MBTPS1: variants seen among roughly 807,000 people sequenced by gnomAD.
MBTPS1 encodes membrane-bound transcription factor site-1 protease.
Under a neutral mutation model 127.8 loss-of-function variants are expected in MBTPS1, and 94 were observed. The observed-to-expected ratio is 0.74, with a 90% CI of 0.62 to 0.87. The LOEUF (loss-of-function observed/expected upper bound fraction) is 0.87, where lower values mean the gene tolerates loss of function less well. Among genes scored for constraint, MBTPS1 ranks in the 40% least tolerant of loss-of-function variants. The pLI, the probability that MBTPS1 is intolerant of heterozygous loss-of-function variation, is 0.00. For missense variants in MBTPS1, 1,636 were observed against 1,353.2 expected (o/e 1.21, Z -3.28); for synonymous variants, 632 against 509.4 (o/e 1.24, Z -3.24).
intron 19 of MBTPS1, 148 bp from the exon 20 acceptor site, chr16:84,060,961 G>A: frequency 1.5e-6 from 1 of 680,452 alleles, no homozygotes. Flanking sequence ...AGCCTCCCAA[G>A]TAGCTGAGAC....
At chr16:84,065,999 C>A (rs1335632656) in intron 17 of MBTPS1, among the ~76,000 whole-genome samples, 5 of 152,046 alleles carry the variant, frequency 3.3e-5, no homozygotes, top group Admixed American at 3.3e-4. Context: ...ATTTTATAAT[C>A]AAAGAAAAAT....
intron 1 of MBTPS1, among the ~76,000 whole-genome samples, chr16:84,107,716 T>TC (rs1469562706): frequency 6.6e-6 from 1 of 151,218 alleles, no homozygotes; most frequent in African/African-American, 2.4e-5. Context: ...CTATTTTTTT[T>TC]TTTTTTGAGA....
In MBTPS1 at chr16:84,054,405, C is replaced by T; in HGVS notation, c.*44G>A. 1 of 1,525,048 alleles carries T rather than the reference C, an allele frequency of 6.6e-7. No individual in the cohort carries two copies. Among genetic ancestry groups the T allele is most frequent in the Non-Finnish European group, 8.8e-7 (1 of 1,133,206 alleles). 94.5% of individuals were successfully genotyped at this position (1,525,048 alleles called of 1,614,324 possible). A position where few individuals can be genotyped will look rare whatever the true frequency, so the allele number is the denominator to read the frequency against. On this transcript the variant is annotated 3_prime_UTR_variant, in exon 23 of 23. Coordinates refer to ENST00000343411, the MANE Select transcript of MBTPS1 (RefSeq NM_003791.4). ...AGCTCGGCTCACCCACCAGCGCCGT[C>T]CGTGAAGGCTCTCTCTGGCCCTCAC...
At chr16:84,115,437 T>C in intron 1 of MBTPS1, among the ~76,000 whole-genome samples, 1 of 152,246 alleles carries the variant, frequency 6.6e-6, no homozygotes, top group Non-Finnish European at 1.5e-5. Flanking sequence ...AGTTTTGCTG[T>C]CATCCGCATC....
At position 84,108,708 on chromosome 16, in the gene MBTPS1, AG is replaced by A. The variant is rs1227077772; in HGVS notation, c.-324-6602del. ...GGGTCTTAAGAGTCTGAGCGGAGTG[AG>A]GAAGGTATGTGAAGGGAGAGGCACC... On this transcript the variant is annotated intron_variant, in intron 1 of 22. Coordinates refer to ENST00000343411, the MANE Select transcript of MBTPS1 (RefSeq NM_003791.4). Among the ~76,000 whole-genome samples the A allele has an allele frequency of 5.3e-5, 8 of 152,332 alleles. No individual in the cohort carries two copies. The East Asian group carries it at 1.5e-3, about 29-fold the overall frequency.
intron 21 of MBTPS1, among the ~76,000 whole-genome samples, chr16:84,058,287 C>T (rs917645564): frequency 6.6e-6 from 1 of 152,254 alleles, no homozygotes; most frequent in African/African-American, 2.4e-5. Flanking sequence ...AGCCTCGCCA[C>T]CTTCACACGG....
intron 12 of MBTPS1, chr16:84,072,276 A>C (rs2085781174): frequency 6.6e-6 from 1 of 152,336 alleles, no homozygotes; most frequent in African/African-American, 2.4e-5. Context: ...GCAAGCCCAC[A>C]GAGACAGAAA....
At chr16:84,069,161 A>G (rs985036988) in intron 14 of MBTPS1, among the ~76,000 whole-genome samples, 2 of 152,194 alleles carry the variant, frequency 1.3e-5, no homozygotes, top group African/African-American at 4.8e-5. Context: ...ACATCTTTCA[A>G]TGCTTCCCCT....
At chr16:84,079,355 T>C (rs1473512526) in intron 11 of MBTPS1, among the ~76,000 whole-genome samples, 8 of 152,148 alleles carry the variant, frequency 5.3e-5, no homozygotes, top group Middle Eastern at 3.2e-3. Context: ...CACAGTCATG[T>C]TTCACACACC....
At chr16:84,100,740 A>G (rs1425752827) in intron 2 of MBTPS1, among the ~76,000 whole-genome samples, 1 of 152,142 alleles carries the variant, frequency 6.6e-6, no homozygotes, top group Non-Finnish European at 1.5e-5. Flanking sequence ...AAAGAAAAAG[A>G]AAAGAAGGTG....
intron 16 of MBTPS1, among the ~76,000 whole-genome samples, chr16:84,067,255 C>G (rs958306029): frequency 1.3e-5 from 2 of 151,840 alleles, no homozygotes; most frequent in African/African-American, 4.8e-5. Context: ...GACAATGAAC[C>G]CTCTATATTA....
At chr16:84,097,859 T>TGG (rs2086198448) in intron 3 of MBTPS1, among the ~76,000 whole-genome samples, 1 of 151,588 alleles carries the variant, frequency 6.6e-6, no homozygotes, top group Non-Finnish European at 1.5e-5. Flanking sequence ...TGTGTGTGTG[T>TGG]GTGTGTGTGT....
intron 6 of MBTPS1, among the ~76,000 whole-genome samples, chr16:84,092,127 T>A (rs2086118468): frequency 6.6e-6 from 1 of 152,182 alleles, no homozygotes; most frequent in Non-Finnish European, 1.5e-5. Flanking sequence ...ACACAAAGAA[T>A]GCCTTCCTAG....
chr16:84,058,546 T>C (rs1435058440), intron 21 of MBTPS1, among the ~76,000 whole-genome samples: 2 of 152,208 alleles, frequency 1.3e-5, no homozygotes, highest in African/African-American at 2.4e-5. Flanking sequence ...CTTCATCCCC[T>C]TTCTCAGGAG....
At position 84,102,079 on chromosome 16, in the gene MBTPS1, G is replaced by A. The variant is rs2086265672; in HGVS notation, c.-296C>T. 3.6e-6 allele frequency: 1 copy of A among 274,788 alleles called. No homozygotes were observed. The highest frequency in any genetic ancestry group is 6.9e-6 in the Non-Finnish European group (1 of 144,682). The allele number at this position is 274,788 out of a possible 1,614,324, so 17.0% of individuals were successfully genotyped here. A position where few individuals can be genotyped will look rare whatever the true frequency, so the allele number is the denominator to read the frequency against. ...GTACCACAGAACCAACGTCCAATGG[G>A]GTTGATCAATCAACCACTGTGAGCC... On this transcript the variant is annotated 5_prime_UTR_variant, in exon 2 of 23. Coordinates refer to ENST00000343411, the MANE Select transcript of MBTPS1 (RefSeq NM_003791.4).
intron 19 of MBTPS1, 115 bp from the exon 20 acceptor site, chr16:84,060,928 G>GA: frequency 1.5e-5 from 14 of 964,402 alleles, no homozygotes; most frequent in Non-Finnish European, 1.8e-5. Flanking sequence ...TGAGCTCCTG[G>GA]GCTCAAGTGA....
intron 1 of MBTPS1, among the ~76,000 whole-genome samples, chr16:84,113,695 T>C (rs548662260): frequency 2.0e-5 from 3 of 152,204 alleles, no homozygotes; most frequent in Non-Finnish European, 2.9e-5. Flanking sequence ...TTTAGGTGAG[T>C]GAAAATGACT....
rs182601586 is a variant in MBTPS1, at chr16:84,090,229, A to G, written c.1031+646T>C. Among the ~76,000 whole-genome samples, 327 of 152,170 alleles carry G rather than the reference A, an allele frequency of 2.1e-3. 3 individuals carry two copies. Among genetic ancestry groups the G allele is most frequent in the Non-Finnish European group, 1.0e-3 (70 of 68,038 alleles). On this transcript the variant is annotated intron_variant, in intron 8 of 22. Transcript: ENST00000343411. ...GAGAATAAAATGAAGCTGCTGGTGG[A>G]AAGAAAACTGAGACCTCTAACCAGA...
At chr16:84,068,555 C>T (rs935475880) in intron 14 of MBTPS1, 101 bp from the exon 15 acceptor site, 11 of 803,974 alleles carry the variant, frequency 1.4e-5, no homozygotes, top group Admixed American at 4.2e-5. Context: ...CATGCCATGG[C>T]CCACAGAGAA....
Sources: gnomAD v4.1 joint callset for allele counts (sites outside exome capture counted in the v4.1 genomes callset) on GRCh38, gnomAD v4.1.1 for gene constraint, MANE v1.5 for transcripts, NCBI Gene and HGNC (gene_info 2026-07-23, HGNC 2026-07-21) for gene names.